The following TPD52 variants were observed in gnomAD, a reference collection of about 807,000 sequenced individuals.
TPD52 encodes the protein tumor protein D52, also known as prostate and colon associated protein.
TPD52 carries 17 observed loss-of-function variants against 31.3 expected under a neutral mutation model. The ratio of observed to expected loss-of-function variants is 0.54; its 90% CI spans 0.37 to 0.82. The LOEUF (loss-of-function observed/expected upper bound fraction) is 0.82. Ranked by LOEUF, TPD52 falls within the 40% of genes least tolerant of loss-of-function variation. TPD52 has a pLI of 0.00. For missense variants in TPD52, 212 were observed against 240.1 expected (o/e 0.88, Z 0.77); for synonymous variants, 83 against 89.6 (o/e 0.93, Z 0.42).
Position 80,159,438 on chromosome 8 carries a change from G to A in TPD52, c.19+11987C>T, listed in dbSNP as rs575616774. Among the ~76,000 whole-genome samples, 7 of 152,236 alleles carry A rather than the reference G, an allele frequency of 4.6e-5. No homozygotes were observed. In the South Asian group the frequency reaches 1.0e-3, roughly 23 times the overall value. On this transcript the variant is annotated intron_variant, in intron 1 of 7. Transcript: ENST00000518937. ...GTGCTTTTGAACAACACCTTTGCAA[G>A]GAAAAGGAAGATTGTCTGCAACTTT... is the stretch of plus-strand genomic sequence containing the variant.
chr8:80,076,420 G>A (rs968166623), intron 1 of TPD52, among the ~76,000 whole-genome samples: 3 of 152,130 alleles, frequency 2.0e-5, no homozygotes, highest in African/African-American at 7.2e-5. Context: ...ACCAAACAGG[G>A]CACCTTGTCA....
chr8:80,159,507 G>C (rs191680651), intron 1 of TPD52, among the ~76,000 whole-genome samples: 13 of 152,272 alleles, frequency 8.5e-5, no homozygotes, highest in African/African-American at 3.1e-4. Flanking sequence ...GTACTCTCTA[G>C]CCAGACATCA....
intron 1 of TPD52, among the ~76,000 whole-genome samples, chr8:80,105,726 C>A (rs974777750): frequency 7.8e-6 from 1 of 128,664 alleles, no homozygotes; most frequent in Non-Finnish European, 1.6e-5. Context: ...CATCCCAGGT[C>A]TGCTTTTTTT....
Position 80,074,976 on chromosome 8 carries a change from T to C in TPD52, c.20-10383A>G, listed in dbSNP as rs552322377. Among the ~76,000 whole-genome samples the C allele has an allele frequency of 5.9e-5, 9 of 152,058 alleles. No homozygotes were observed. The South Asian group carries it at 1.9e-3, about 32-fold the overall frequency. ...GCGTAAGGGGACAATGTCTGGGTTA[T>C]TTTTTATTTTTTTTTATTTTTTGAG... On this transcript the variant is annotated intron_variant, in intron 1 of 7. Transcript: ENST00000518937.
chr8:80,057,437 G>A (rs578187373), intron 2 of TPD52, among the ~76,000 whole-genome samples: 21 of 152,234 alleles, frequency 1.4e-4, no homozygotes, highest in South Asian at 6.2e-4. Context: ...ACCAACCCCG[G>A]TGCCCACTGT....
At chr8:80,073,339 T>C (rs1235239800) in intron 1 of TPD52, among the ~76,000 whole-genome samples, 1 of 152,218 alleles carries the variant, frequency 6.6e-6, no homozygotes, top group African/African-American at 2.4e-5. Context: ...TTCGTGTGTC[T>C]TTGCACATAT....
chr8:80,067,810 C>A (rs16907431), intron 1 of TPD52, among the ~76,000 whole-genome samples: 17,279 of 151,324 alleles, frequency 0.11, 2,827 homozygotes, highest in African/African-American at 0.37. Flanking sequence ...CAAAAGCAGT[C>A]TTCATTAATT....
intron 1 of TPD52, among the ~76,000 whole-genome samples, chr8:80,136,614 GTTC>G (rs1482704245): frequency 1.4e-5 from 2 of 145,208 alleles, no homozygotes; most frequent in Non-Finnish European, 3.0e-5. Context: ...CTACTACTTT[GTTC>G]TTCTTAAAAA....
At chr8:80,155,138 C>T (rs1453963630) in intron 1 of TPD52, among the ~76,000 whole-genome samples, 1 of 151,986 alleles carries the variant, frequency 6.6e-6, no homozygotes, top group Non-Finnish European at 1.5e-5. Flanking sequence ...GCTAGGATTA[C>T]AGGCATAAAC....
chr8:80,110,928 G>A (rs1295493046), intron 1 of TPD52, among the ~76,000 whole-genome samples: 3 of 152,202 alleles, frequency 2.0e-5, no homozygotes, highest in Non-Finnish European at 2.9e-5. Context: ...TGTTTCGGCT[G>A]GGTGTGGGGA....
At chr8:80,096,291 AACAC>A (rs34309218) in intron 1 of TPD52, among the ~76,000 whole-genome samples, 2,245 of 146,704 alleles carry the variant, frequency 0.015, 53 homozygotes, top group African/African-American at 0.048. Context: ...CACACACACA[AACAC>A]ACACACACAC....
chr8:80,063,188 A>G (rs1812729419), intron 2 of TPD52, among the ~76,000 whole-genome samples: 1 of 152,256 alleles, frequency 6.6e-6, no homozygotes, highest in African/African-American at 2.4e-5. Flanking sequence ...AAAATACAAT[A>G]GATACATGTA....
At chr8:80,068,128 A>G (rs1813369041) in intron 1 of TPD52, among the ~76,000 whole-genome samples, 1 of 152,224 alleles carries the variant, frequency 6.6e-6, no homozygotes. Context: ...GGAAAATACA[A>G]TTAATATCTA....
chr8:80,042,906 A>T (rs1810519152), intron 6 of TPD52: 2 of 389,030 alleles, frequency 5.1e-6, no homozygotes, highest in Non-Finnish European at 9.3e-6. Flanking sequence ...CTCAGACATA[A>T]GTAATATAGA....
chr8:80,154,057 C>T (rs1810759700), intron 1 of TPD52, among the ~76,000 whole-genome samples: 1 of 152,194 alleles, frequency 6.6e-6, no homozygotes, highest in East Asian at 1.9e-4. Context: ...AGAACCTGCC[C>T]CACTGTGAAG....
chr8:80,058,919 G>C, intron 2 of TPD52, among the ~76,000 whole-genome samples: 1 of 152,144 alleles, frequency 6.6e-6, no homozygotes, highest in East Asian at 1.9e-4. Context: ...AGTACAAACA[G>C]ACAGAAGATC....
intron 1 of TPD52, among the ~76,000 whole-genome samples, chr8:80,136,472 T>C (rs1168935638): frequency 7.7e-6 from 1 of 130,100 alleles, no homozygotes; most frequent in African/African-American, 2.9e-5. Context: ...TGCAGTGAGC[T>C]GAGATCACGC....
intron 1 of TPD52, among the ~76,000 whole-genome samples, chr8:80,068,062 G>GTTT (rs78238992): frequency 1.3e-5 from 2 of 149,754 alleles, no homozygotes; most frequent in Non-Finnish European, 1.5e-5. Context: ...TTTTAATGTT[G>GTTT]TTTTTTTTTT....
At chr8:80,123,621 G>A (rs936924172) in intron 1 of TPD52, among the ~76,000 whole-genome samples, 16 of 152,228 alleles carry the variant, frequency 1.1e-4, no homozygotes, top group African/African-American at 3.9e-4. Context: ...CCAAGTAGAT[G>A]TGCTGCGTGG....
Sources: allele counts gnomAD v4.1 joint callset (sites outside exome capture counted in the v4.1 genomes callset), GRCh38; gene constraint gnomAD v4.1.1; transcripts MANE v1.5; gene names NCBI Gene and HGNC (gene_info 2026-07-23, HGNC 2026-07-21).